Variants in KCNT1 observed in about 807,000 individuals in gnomAD.
The protein encoded by KCNT1 is potassium sodium-activated channel subfamily T member 1.
In KCNT1, 78 loss-of-function variants were observed where a neutral mutation model predicts 147.8. That is an observed-to-expected ratio of 0.53 (90% CI 0.44 to 0.64). The LOEUF (loss-of-function observed/expected upper bound fraction) is 0.64. KCNT1 is among the 30% of genes least tolerant of loss of function. The pLI is 0.00. For missense variants in KCNT1, 1,419 were observed against 1,750.3 expected (o/e 0.81, Z 3.38); for synonymous variants, 867 against 748.8 (o/e 1.16, Z -2.58).
rs1320602829 is a variant in KCNT1 at position 135,752,983 on chromosome 9, TGGTTGGAG to T, written c.435-951_435-944del. On this transcript the variant is annotated intron_variant, in intron 4 of 30. Coordinates refer to ENST00000371757, the MANE Select transcript of KCNT1 (RefSeq NM_020822.3). This position sits in a 1 kb window ranked among gnomAD's most constrained non-coding sequence, Gnocchi z 5.1. Reference sequence around the variant, plus strand: ...GATGAGTGGATGGATGATGAGCAGATGGTTGGAGGGATGAGTGGATGGATGGATGGAGG... The same window carrying T: ...GATGAGTGGATGGATGATGAGCAGATGGATGAGTGGATGGATGGATGGAGG... 2.1e-4 allele frequency among the ~76,000 whole-genome samples: 29 copies of T among 140,490 alleles called. No homozygotes were observed. In the East Asian group the frequency reaches 4.2e-3, roughly 20 times the overall value. 92.2% of individuals were successfully genotyped at this position (140,490 alleles called of 152,430 possible). A position where few individuals can be genotyped will look rare whatever the true frequency, so the allele number is the denominator to read the frequency against.
At chr9:135,768,972 T>TGG in intron 15 of KCNT1, 35 bp downstream of exon 15, 1 of 1,530,876 alleles carries the variant, frequency 6.5e-7, no homozygotes, top group Non-Finnish European at 9.0e-7. Context: ...ATGGTGTATC[T>TGG]GGGGCAGGGC....
chr9:135,743,486 G>A (rs1160885856), intron 2 of KCNT1, among the ~76,000 whole-genome samples: 3 of 152,116 alleles, frequency 2.0e-5, no homozygotes, highest in African/African-American at 7.2e-5. Flanking sequence ...GGCACCCATG[G>A]TGGGACCTAT....
In KCNT1 at chr9:135,768,892, G is replaced by A. The variant is rs368322298; in HGVS notation, c.1465G>A (p.Val489Ile). 1.4e-5 allele frequency: 22 copies of A among 1,613,372 alleles called. No homozygotes were observed. The highest frequency in any genetic ancestry group is 8.0e-5 in the African/African-American group (6 of 74,922). ...KDFAPNCPLY[V>I]QILKPENKFH... ...CTTCGCCCCCAACTGCCCCCTCTAC[G>A]TCCAGATCCTCAAACCTGAAAACAA... Residue 489 changes from valine to isoleucine, a missense_variant, in exon 15 of 31, where the codon GTC becomes ATC. By Grantham distance (29) the Val-to-Ile change is conservative. This residue lies in a region of KCNT1 where 401 missense variants were observed against 610.6 expected (regional missense o/e 0.66). Transcript: ENST00000371757.
chr9:135,741,915 G>A (rs192667398), intron 2 of KCNT1, among the ~76,000 whole-genome samples: 1 of 152,192 alleles, frequency 6.6e-6, no homozygotes, highest in African/African-American at 2.4e-5. Flanking sequence ...AAAGACCCTC[G>A]GCACTCCCAC....
chr9:135,784,341 C>G (rs987872068), intron 25 of KCNT1, among the ~76,000 whole-genome samples, 194 bp from the exon 26 acceptor site: 1 of 152,168 alleles, frequency 6.6e-6, no homozygotes, highest in Non-Finnish European at 1.5e-5. Context: ...TTAGAAAAGG[C>G]CTCCCAGAAC....
At chr9:135,777,991 T>TCAGCTCCTGTGGCTCC (rs1490894132) in intron 21 of KCNT1, among the ~76,000 whole-genome samples, 4 of 149,438 alleles carry the variant, frequency 2.7e-5, no homozygotes, top group Non-Finnish European at 4.5e-5. Context: ...CTCCATGCTC[T>TCAGCTCCTGTGGCTCC]CAGCTCCTGT....
At chr9:135,788,651 G>A (rs1315818241) in intron 29 of KCNT1, among the ~76,000 whole-genome samples, 1 of 152,180 alleles carries the variant, frequency 6.6e-6, no homozygotes, top group Non-Finnish European at 1.5e-5. Flanking sequence ...TGGATGCAGG[G>A]GTGGGGACTC....
At chr9:135,718,156 C>T (rs1835790917) in intron 2 of KCNT1, among the ~76,000 whole-genome samples, 1 of 152,246 alleles carries the variant, frequency 6.6e-6, no homozygotes, top group Non-Finnish European at 1.5e-5. Flanking sequence ...CCCATATCTC[C>T]TCATCTTCCT....
At chr9:135,781,346 G>C (rs1190247762) in intron 24 of KCNT1, among the ~76,000 whole-genome samples, 3 of 152,180 alleles carry the variant, frequency 2.0e-5, no homozygotes, top group Non-Finnish European at 4.4e-5. Flanking sequence ...GTGGAGCCGA[G>C]GGAGGAGAGG....
At position 135,786,208 on chromosome 9, in the gene KCNT1, G is replaced by C. The variant is rs777914546; in HGVS notation, c.3189G>C (p.Ser1063=). Residue 1063 remains serine (S), a synonymous_variant, in exon 29 of 31, where the codon TCG becomes TCC. Coordinates refer to ENST00000371757, the MANE Select transcript of KCNT1 (RefSeq NM_020822.3). ...PHDLRAQSQI[S]VNVEDCEDTR... is the part of the protein sequence containing the mutation. The stretch of plus-strand genomic sequence containing the variant: ...CCTGCCCTGCCCAGTCCCAGATCTC[G>C]GTGAACGTGGAGGACTGTGAGGACA... 2.5e-6 allele frequency: 4 copies of C among 1,596,474 alleles called. No homozygotes were observed. The highest frequency in any genetic ancestry group is 1.7e-6 in the Non-Finnish European group (2 of 1,167,392).
intron 29 of KCNT1, among the ~76,000 whole-genome samples, chr9:135,787,675 C>A (rs978380965): frequency 2.6e-5 from 4 of 152,202 alleles, no homozygotes; most frequent in Non-Finnish European, 5.9e-5. Context: ...CCTGTGAAGA[C>A]CTTTCCCGGC....
At position 135,750,132 on chromosome 9, in the gene KCNT1, T is replaced by G; in HGVS notation, c.289T>G (p.Phe97Val). The change falls in exon 3 of 31, where the codon TTC becomes GTC. Residue 97 changes from phenylalanine (F) to valine (V), a missense_variant. Phe to Val is a conservative substitution (Grantham distance 50). Coordinates refer to ENST00000371757, the MANE Select transcript of KCNT1 (RefSeq NM_020822.3). ...QVEFYVNENT[F>V]KERLKLFFIK... ...GGAGTTCTACGTCAACGAGAACACCTTCAAGGAGCGGCTCAAGCTGTTCTT... is the reference window on the plus strand; with the variant it reads ...GGAGTTCTACGTCAACGAGAACACCGTCAAGGAGCGGCTCAAGCTGTTCTT... 6.2e-7 allele frequency: 1 copy of G among 1,613,750 alleles called. No individual in the cohort carries two copies. The highest frequency in any genetic ancestry group is 8.5e-7 in the Non-Finnish European group (1 of 1,179,940).
intron 25 of KCNT1, 124 bp downstream of exon 25, chr9:135,784,249 C>T (rs1421230725): frequency 3.7e-6 from 3 of 804,650 alleles, no homozygotes; most frequent in Admixed American, 2.0e-5. Flanking sequence ...CCCTGGATTC[C>T]AAGGAGACCT....
At position 135,739,596 on chromosome 9, in the gene KCNT1, G is replaced by A. The variant is rs188650116; in HGVS notation, c.255-10502G>A. 5.7e-4 allele frequency among the ~76,000 whole-genome samples: 86 copies of A among 152,160 alleles called. No individual in the cohort carries two copies. In the East Asian group the frequency reaches 0.011, roughly 20 times the overall value. On this transcript the variant is annotated intron_variant, in intron 2 of 30. Coordinates refer to ENST00000371757, the MANE Select transcript of KCNT1 (RefSeq NM_020822.3). ...CCACCCTCTTCATGGTGTTCACACC[G>A]GCTCGGCACACCCCTTCCCCTGGGC...
At chr9:135,750,372 CCT>C (rs1831083117) in intron 3 of KCNT1, among the ~76,000 whole-genome samples, 195 bp downstream of exon 3, 1 of 151,946 alleles carries the variant, frequency 6.6e-6, no homozygotes, top group African/African-American at 2.4e-5. Context: ...AGGGTAGCCC[CCT>C]CTTAGCTTCA....
intron 21 of KCNT1, 146 bp downstream of exon 21, chr9:135,777,656 A>G (rs1833264963): frequency 1.2e-5 from 9 of 751,516 alleles, no homozygotes; most frequent in Middle Eastern, 3.8e-4. Flanking sequence ...CTTTCCTAAA[A>G]AGGGGGACTC....
chr9:135,719,696 C>T (rs1835851397), intron 2 of KCNT1, among the ~76,000 whole-genome samples: 1 of 152,178 alleles, frequency 6.6e-6, no homozygotes, highest in Non-Finnish European at 1.5e-5. Flanking sequence ...GGGCTTCCGG[C>T]AGGCAAGAGG....
chr9:135,738,083 C>T (rs933405204), intron 2 of KCNT1, among the ~76,000 whole-genome samples: 9 of 152,186 alleles, frequency 5.9e-5, no homozygotes, highest in African/African-American at 2.2e-4. Flanking sequence ...CCTGTTCCTG[C>T]AGGGCCCATA....
intron 6 of KCNT1, 86 bp downstream of exon 6, chr9:135,755,255 C>T: frequency 1.6e-6 from 2 of 1,220,582 alleles, no homozygotes; most frequent in Non-Finnish European, 2.3e-6. Flanking sequence ...AGTAGGGAAC[C>T]CAGGCTCGGT....
Sources: gnomAD v4.1 joint callset for allele counts (sites outside exome capture counted in the v4.1 genomes callset) on GRCh38, gnomAD v4.1.1 for gene constraint, gnomAD v4.1.1 regional missense constraint, Gnocchi (gnomAD v3.1) non-coding constraint, MANE v1.5 for transcripts, NCBI Gene and HGNC (gene_info 2026-07-23, HGNC 2026-07-21) for gene names.